Variants in CDC42BPA observed in about 807,000 individuals in gnomAD.
The protein encoded by CDC42BPA is serine/threonine-protein kinase MRCK alpha.
Under a neutral mutation model 223.5 loss-of-function variants are expected in CDC42BPA, and 80 were observed. The ratio of observed to expected loss-of-function variants is 0.36; its 90% CI spans 0.30 to 0.43. The LOEUF (loss-of-function observed/expected upper bound fraction) is 0.43, where lower values mean the gene tolerates loss of function less well. CDC42BPA is among the 20% of genes least tolerant of loss of function. CDC42BPA has a pLI of 1.00. For missense variants in CDC42BPA, 1,743 were observed against 2,099.9 expected, an observed-to-expected ratio of 0.83 and a Z score of 3.32; for synonymous variants, 694 against 718.6, an observed-to-expected ratio of 0.97 and a Z score of 0.55.
intron 21 of CDC42BPA, among the ~76,000 whole-genome samples, chr1:227,057,389 C>T (rs895874346): frequency 5.9e-5 from 9 of 152,076 alleles, no homozygotes; most frequent in African/African-American, 9.6e-5. Flanking sequence ...TATTAAAATA[C>T]TGCATATTTT....
intron 32 of CDC42BPA, among the ~76,000 whole-genome samples, chr1:227,022,654 T>C (rs1409627664): frequency 1.3e-5 from 2 of 152,184 alleles, no homozygotes; most frequent in African/African-American, 4.8e-5. Flanking sequence ...CAACATTTAA[T>C]TCTATGTGAA....
chr1:227,200,443 AAC>A (rs1491074219), intron 3 of CDC42BPA, among the ~76,000 whole-genome samples: 49 of 55,670 alleles, frequency 8.8e-4, no homozygotes, highest in Middle Eastern at 0.019. Context: ...AAAACAAACA[AAC>A]AAAAAAAAAA....
At chr1:227,008,961 G>A (rs971374124) in intron 34 of CDC42BPA, among the ~76,000 whole-genome samples, 2 of 152,108 alleles carry the variant, frequency 1.3e-5, no homozygotes, top group East Asian at 1.9e-4. Context: ...CCTGTAAGAC[G>A]CAAGCAGCAT....
At chr1:227,303,820 A>T (rs560139168) in intron 1 of CDC42BPA, among the ~76,000 whole-genome samples, 5 of 152,296 alleles carry the variant, frequency 3.3e-5, no homozygotes, top group African/African-American at 4.8e-5. Context: ...ATGACTCTTT[A>T]AAAAAATTAT....
chr1:227,243,744 G>A (rs546430851), intron 2 of CDC42BPA, among the ~76,000 whole-genome samples: 3 of 141,534 alleles, frequency 2.1e-5, no homozygotes, highest in Non-Finnish European at 3.1e-5. Flanking sequence ...GCCAAGCCAC[G>A]GAAAAGATTT....
intron 2 of CDC42BPA, among the ~76,000 whole-genome samples, chr1:227,250,950 T>C (rs1180121363): frequency 6.6e-6 from 1 of 151,678 alleles, no homozygotes; most frequent in Non-Finnish European, 1.5e-5. Flanking sequence ...CTACCCAGGA[T>C]GCTGAGGCAG....
Position 227,196,338 on chromosome 1 carries a change from C to CTTTTTTTTTTTTTTTTTTTTTTTTT in CDC42BPA, c.451-2405_451-2404insAAAAAAAAAAAAAAAAAAAAAAAAA, listed in dbSNP as rs34352900. ...GCTTTCTTTTTACTATTAAACAATA[C>CTTTTTTTTTTTTTTTTTTTTTTTTT]TTTTTTTTTTTTTTTTTTTGAGACA... On this transcript the variant is annotated intron_variant, in intron 4 of 36. Coordinates refer to ENST00000366766, the MANE Select transcript of CDC42BPA (RefSeq NM_001394014.1). Among the ~76,000 whole-genome samples, 15 of 92,362 alleles carry CTTTTTTTTTTTTTTTTTTTTTTTTT rather than the reference C, an allele frequency of 1.6e-4. 3 individuals carry two copies. Among genetic ancestry groups the CTTTTTTTTTTTTTTTTTTTTTTTTT allele is most frequent in the African/African-American group, 4.2e-4 (9 of 21,204 alleles). 60.6% of individuals were successfully genotyped at this position (92,362 alleles called of 152,430 possible).
chr1:227,080,248 T>C lies in CDC42BPA; in HGVS notation c.2480+645A>G, dbSNP rs569241642. Among the ~76,000 whole-genome samples, 23 of 144,746 alleles carry C rather than the reference T, an allele frequency of 1.6e-4. No individual in the cohort carries two copies. The South Asian group carries it at 5.0e-3, about 32-fold the overall frequency. 95.0% of individuals were successfully genotyped at this position (144,746 alleles called of 152,430 possible). Reference sequence around the variant, plus strand: ...AAAAAGTTAAGTTACCTATTTTTACTTGGAAATACAGTCTTCATTAGATTC... The same window carrying C: ...AAAAAGTTAAGTTACCTATTTTTACCTGGAAATACAGTCTTCATTAGATTC... On this transcript the variant is annotated intron_variant, in intron 17 of 36. Coordinates refer to ENST00000366766, the MANE Select transcript of CDC42BPA (RefSeq NM_001394014.1).
At chr1:227,132,131 T>C (rs560823418) in intron 10 of CDC42BPA, among the ~76,000 whole-genome samples, 42 of 152,112 alleles carry the variant, frequency 2.8e-4, no homozygotes, top group African/African-American at 9.9e-4. Context: ...TCCCTCTCCC[T>C]CTCCCTCTCC....
At chr1:227,269,847 A>G (rs1685672748) in intron 1 of CDC42BPA, among the ~76,000 whole-genome samples, 1 of 152,194 alleles carries the variant, frequency 6.6e-6, no homozygotes, top group Non-Finnish European at 1.5e-5. Context: ...CTAGGAAACA[A>G]GGACTCTCAT....
intron 3 of CDC42BPA, among the ~76,000 whole-genome samples, chr1:227,209,761 G>A (rs909266605): frequency 6.0e-5 from 9 of 149,656 alleles, no homozygotes; most frequent in Non-Finnish European, 1.3e-4. Flanking sequence ...TGTTTTGCCA[G>A]TATTTTATTG....
At chr1:227,216,128 A>G (rs1428165597) in intron 2 of CDC42BPA, among the ~76,000 whole-genome samples, 1 of 137,204 alleles carries the variant, frequency 7.3e-6, no homozygotes, top group Non-Finnish European at 1.6e-5. Context: ...CTCTATATAT[A>G]TATATACACA....
At position 227,200,889 on chromosome 1, in the gene CDC42BPA, C is replaced by T. The variant is rs1425477332; in HGVS notation, c.355-1237G>A. Among the ~76,000 whole-genome samples the T allele has an allele frequency of 3.9e-5, 6 of 152,136 alleles. No homozygotes were observed. The South Asian group carries it at 6.2e-4, about 16-fold the overall frequency. Reference sequence around the variant, plus strand: ...GACTTTTAAGTGGTTGCCAACATGACGGGTGTGAAATAATATCATTATTCC... The same window carrying T: ...GACTTTTAAGTGGTTGCCAACATGATGGGTGTGAAATAATATCATTATTCC... On this transcript the variant is annotated intron_variant, in intron 3 of 36. Transcript: ENST00000366766.
At chr1:227,058,416 G>A (rs533596692) in intron 21 of CDC42BPA, among the ~76,000 whole-genome samples, 18 of 152,220 alleles carry the variant, frequency 1.2e-4, no homozygotes, top group East Asian at 5.8e-4. Context: ...AGAACTTTCC[G>A]AGTCTAAGAA....
intron 20 of CDC42BPA, among the ~76,000 whole-genome samples, chr1:227,070,683 T>C (rs956416316): frequency 3.3e-5 from 5 of 151,838 alleles, no homozygotes; most frequent in African/African-American, 4.8e-5. Flanking sequence ...GGGGAAATAA[T>C]AGTAAATGAA....
chr1:227,292,793 A>G (rs58442442), intron 1 of CDC42BPA, among the ~76,000 whole-genome samples: 46,764 of 152,038 alleles, frequency 0.31, 7,369 homozygotes, highest in East Asian at 0.37. Context: ...TCAATAATTT[A>G]TTGAACTTAA....
chr1:227,031,992 C>T (rs7546600), intron 27 of CDC42BPA, among the ~76,000 whole-genome samples: 45,099 of 152,068 alleles, frequency 0.3, 6,933 homozygotes, highest in East Asian at 0.43. Flanking sequence ...CATACAACTA[C>T]AAGTCTGGGA....
At chr1:227,135,323 C>T (rs1002904356) in intron 10 of CDC42BPA, among the ~76,000 whole-genome samples, 1 of 152,000 alleles carries the variant, frequency 6.6e-6, no homozygotes, top group African/African-American at 2.4e-5. Flanking sequence ...CAGAAATCTC[C>T]GATAGTACAG....
chr1:227,287,244 G>C (rs747766289), intron 1 of CDC42BPA, among the ~76,000 whole-genome samples: 4 of 152,180 alleles, frequency 2.6e-5, no homozygotes, highest in Non-Finnish European at 4.4e-5. Flanking sequence ...GTGCGGAAAA[G>C]AGTTACATCA....
Sources: allele counts gnomAD v4.1 joint callset (sites outside exome capture counted in the v4.1 genomes callset), GRCh38; gene constraint gnomAD v4.1.1; transcripts MANE v1.5; gene names NCBI Gene and HGNC (gene_info 2026-07-23, HGNC 2026-07-21).